The following CATSPERT variants were observed in gnomAD, a reference collection of about 807,000 sequenced individuals.
CATSPERT encodes the protein catsper channel auxiliary subunit tau.
chr2:201,573,789 T>A, the CATSPERT span, among the ~76,000 whole-genome samples: 1 of 152,118 alleles, frequency 6.6e-6, no homozygotes, highest in Non-Finnish European at 1.5e-5. Context: ...CCCAAGTAGC[T>A]GGGATTACAG....
chr2:201,608,331 T>C, the CATSPERT span, among the ~76,000 whole-genome samples: 13 of 152,094 alleles, frequency 8.5e-5, no homozygotes, highest in Non-Finnish European at 1.2e-4. Context: ...AAAACTTAAC[T>C]GAATGCCAAA....
chr2:201,615,387 T>A, the CATSPERT span, among the ~76,000 whole-genome samples: 254 of 152,228 alleles, frequency 1.7e-3, 1 homozygote, highest in African/African-American at 5.7e-3. Flanking sequence ...AAACTACAAC[T>A]CAGGATTAAG....
chr2:201,555,344 A>G, the CATSPERT span: 8,381 of 152,138 alleles, frequency 0.055, 280 homozygotes, highest in African/African-American at 0.081. Flanking sequence ...GCAAAATCCC[A>G]TCTCTACTAA....
chr2:201,595,548 G>A, the CATSPERT span, among the ~76,000 whole-genome samples: 151 of 152,222 alleles, frequency 9.9e-4, no homozygotes, highest in African/African-American at 3.4e-3. Flanking sequence ...GTACTCGGCC[G>A]TGTGAGGTGT....
chr2:201,573,443 C>T, the CATSPERT span, among the ~76,000 whole-genome samples: 20 of 152,128 alleles, frequency 1.3e-4, no homozygotes, highest in African/African-American at 4.6e-4. Context: ...TTTGTTTTCT[C>T]AGGGCAGGAT....
chr2:201,584,272 A>G, the CATSPERT span, among the ~76,000 whole-genome samples: 3 of 152,298 alleles, frequency 2.0e-5, no homozygotes, highest in South Asian at 6.2e-4. Context: ...TGTGGGTGAC[A>G]GAGGGAGACC....
chr2:201,542,430 T>C, the CATSPERT span, among the ~76,000 whole-genome samples: 1 of 152,234 alleles, frequency 6.6e-6, no homozygotes, highest in Non-Finnish European at 1.5e-5. Context: ...TTTGTCATTT[T>C]TTTGAGTAAC....
chr2:201,581,449 TATATATGTATACAC>T, the CATSPERT span, among the ~76,000 whole-genome samples: 2 of 125,914 alleles, frequency 1.6e-5, no homozygotes, highest in South Asian at 2.5e-4. Flanking sequence ...TATATATATA[TATATATGTATACAC>T]ACACACATTC....
the CATSPERT span, among the ~76,000 whole-genome samples, chr2:201,523,971 T>C: frequency 6.6e-6 from 1 of 152,064 alleles, no homozygotes; most frequent in African/African-American, 2.4e-5. Flanking sequence ...ATGAACAAAA[T>C]ATCTGAGAAA....
the CATSPERT span, chr2:201,491,298 G>A: frequency 3.9e-6 from 6 of 1,537,640 alleles, no homozygotes; most frequent in African/African-American, 4.1e-5. Flanking sequence ...TTGGTTGGGC[G>A]ACACGGTCTC....
At chr2:201,590,730 T>C in the CATSPERT span, among the ~76,000 whole-genome samples, 1 of 152,254 alleles carries the variant, frequency 6.6e-6, no homozygotes, top group Admixed American at 6.5e-5. Context: ...ATTTCTCTGA[T>C]GGCCAGTGAT....
At chr2:201,547,547 TA>T in the CATSPERT span, 1 of 1,561,840 alleles carries the variant, frequency 6.4e-7, no homozygotes, top group Non-Finnish European at 8.7e-7. Context: ...GAATGCTTTC[TA>T]AATAGTTAGC....
At chr2:201,532,252 A>G in the CATSPERT span, among the ~76,000 whole-genome samples, 1 of 152,230 alleles carries the variant, frequency 6.6e-6, no homozygotes, top group Non-Finnish European at 1.5e-5. Context: ...TTTTGAATAT[A>G]AGCTCCACAA....
the CATSPERT span, chr2:201,493,944 A>G: frequency 6.5e-7 from 1 of 1,537,128 alleles, no homozygotes; most frequent in Non-Finnish European, 8.7e-7. Flanking sequence ...CTGCAGGAAT[A>G]TTTTTAATTA....
chr2:201,531,366 G>C, the CATSPERT span, among the ~76,000 whole-genome samples: 5 of 151,990 alleles, frequency 3.3e-5, no homozygotes, highest in Admixed American at 3.3e-4. Context: ...CTCTAATTAT[G>C]TATGTCTTTG....
the CATSPERT span, among the ~76,000 whole-genome samples, chr2:201,551,204 T>G: frequency 1.3e-5 from 2 of 152,240 alleles, no homozygotes; most frequent in African/African-American, 4.8e-5. Context: ...AATGTTTCAG[T>G]TAGTATATCA....
chr2:201,495,653 G>T, the CATSPERT span, among the ~76,000 whole-genome samples: 4 of 149,414 alleles, frequency 2.7e-5, no homozygotes, highest in Non-Finnish European at 5.9e-5. Context: ...AATTCTAGTG[G>T]ATACCAAGAT....
the CATSPERT span, among the ~76,000 whole-genome samples, chr2:201,579,692 T>A: frequency 6.6e-6 from 1 of 152,018 alleles, no homozygotes; most frequent in East Asian, 1.9e-4. Flanking sequence ...GTTTTTTTTT[T>A]AATGACCAAA....
At chr2:201,521,520 C>T in the CATSPERT span, among the ~76,000 whole-genome samples, 1 of 152,114 alleles carries the variant, frequency 6.6e-6, no homozygotes, top group Non-Finnish European at 1.5e-5. Flanking sequence ...CACTCACTAT[C>T]ATGAGAACAG....
Sources: allele counts gnomAD v4.1 joint callset (sites outside exome capture counted in the v4.1 genomes callset), GRCh38; gene constraint gnomAD v4.1.1; transcripts MANE v1.5; gene names NCBI Gene and HGNC (gene_info 2026-07-23, HGNC 2026-07-21).